Variants in KLF7 observed in about 807,000 individuals in gnomAD.
KLF7 encodes the protein KLF transcription factor 7, also known as Krueppel-like factor 7.
A neutral mutation model predicts 27.3 loss-of-function variants in KLF7; 2 were observed. The ratio of observed to expected loss-of-function variants is 0.07; its 90% confidence interval spans 0.03 to 0.23. KLF7 has a LOEUF of 0.23. Ranked by LOEUF, KLF7 falls within the 10% of genes least tolerant of loss-of-function variation. The probability of loss-of-function intolerance (pLI) is 1.00; values close to 1 mark genes in which losing one functional copy is unlikely to be tolerated. For missense variants in KLF7, 221 were observed against 394.1 expected (o/e 0.56, Z 3.72); for synonymous variants, 165 against 162.4 (o/e 1.02, Z -0.12).
At chr2:207,092,179 T>C (rs2076527465) in intron 2 of KLF7, among the ~76,000 whole-genome samples, 1 of 152,234 alleles carries the variant, frequency 6.6e-6, no homozygotes, top group Non-Finnish European at 1.5e-5. Context: ...CTTGGAATGA[T>C]GCACACTGTT....
At chr2:207,129,001 G>T (rs1289390272) in intron 1 of KLF7, among the ~76,000 whole-genome samples, 1 of 152,138 alleles carries the variant, frequency 6.6e-6, no homozygotes, top group Admixed American at 6.5e-5. Context: ...ATAATTTCCT[G>T]GTTCTTATAA....
At position 207,101,799 on chromosome 2, in the gene KLF7, G is replaced by A. The variant is rs532077714; in HGVS notation, c.734-13218C>T. 2.6e-5 allele frequency among the ~76,000 whole-genome samples: 4 copies of A among 152,156 alleles called. No homozygotes were observed. The East Asian group carries it at 7.7e-4, about 29-fold the overall frequency. ...AGTTGGGCACTCCTTTCTTCTGCTC[G>A]CCTAACTTCCTCTAGAAGAGACTAT... On this transcript the variant is annotated intron_variant, in intron 2 of 3. Transcript: ENST00000309446.
At chr2:207,142,507 A>G (rs937646769) in intron 1 of KLF7, among the ~76,000 whole-genome samples, 1 of 152,226 alleles carries the variant, frequency 6.6e-6, no homozygotes, top group Non-Finnish European at 1.5e-5. Context: ...ATAGAAATAC[A>G]TGCAATTCAA....
At chr2:207,145,371 T>C (rs2078070798) in intron 1 of KLF7, among the ~76,000 whole-genome samples, 1 of 152,286 alleles carries the variant, frequency 6.6e-6, no homozygotes, top group Non-Finnish European at 1.5e-5. Context: ...CAATAATACA[T>C]CTATTCAACA....
intron 1 of KLF7, among the ~76,000 whole-genome samples, chr2:207,138,891 G>A (rs777795540): frequency 2.0e-5 from 3 of 152,202 alleles, no homozygotes; most frequent in African/African-American, 2.4e-5. Flanking sequence ...CTGTGTCTGC[G>A]ATTGCCACGA....
At chr2:207,091,419 T>C (rs1191971970) in intron 2 of KLF7, among the ~76,000 whole-genome samples, 1 of 152,140 alleles carries the variant, frequency 6.6e-6, no homozygotes, top group African/African-American at 2.4e-5. Flanking sequence ...TCACCTGACA[T>C]TGTTTCCTGC....
chr2:207,127,037 A>G (rs2077497505), intron 1 of KLF7, among the ~76,000 whole-genome samples: 1 of 152,224 alleles, frequency 6.6e-6, no homozygotes, highest in South Asian at 2.1e-4. Context: ...ATCTGAATGC[A>G]GGGCTGAGAT....
chr2:207,161,071 A>C (rs2078531731), intron 1 of KLF7, among the ~76,000 whole-genome samples: 1 of 152,198 alleles, frequency 6.6e-6, no homozygotes, highest in Non-Finnish European at 1.5e-5. Flanking sequence ...AAAATACCAA[A>C]CTGCAAACAG....
intron 2 of KLF7, among the ~76,000 whole-genome samples, chr2:207,118,767 C>G (rs1254835234): frequency 2.0e-5 from 3 of 152,196 alleles, no homozygotes; most frequent in Non-Finnish European, 4.4e-5. Context: ...TGGGACATAG[C>G]AAGTGCTTTA....
chr2:207,142,643 G>A (rs550965506), intron 1 of KLF7, among the ~76,000 whole-genome samples: 1 of 152,316 alleles, frequency 6.6e-6, no homozygotes, highest in East Asian at 1.9e-4. Flanking sequence ...ATTTGAAACA[G>A]ACCTTGGCAA....
intron 3 of KLF7, among the ~76,000 whole-genome samples, chr2:207,084,302 A>T (rs1310541654): frequency 6.6e-6 from 1 of 152,158 alleles, no homozygotes; most frequent in Non-Finnish European, 1.5e-5. Flanking sequence ...TCGGGAAATG[A>T]GTATTCTTGA....
chr2:207,100,408 C>A (rs1370847247), intron 2 of KLF7, among the ~76,000 whole-genome samples: 1 of 152,032 alleles, frequency 6.6e-6, no homozygotes, highest in East Asian at 1.9e-4. Context: ...CTAAGAGTAA[C>A]CCCAAAAGAA....
intron 1 of KLF7, among the ~76,000 whole-genome samples, chr2:207,160,682 G>T (rs905180810): frequency 4.6e-5 from 7 of 152,192 alleles, no homozygotes; most frequent in African/African-American, 1.7e-4. Context: ...TCTCTGAAGA[G>T]AGTACAATGT....
In KLF7 at chr2:207,120,189, A is replaced by C. The variant is rs61256277; in HGVS notation, c.733+3585T>G. Among the ~76,000 whole-genome samples the C allele has an allele frequency of 6.3e-4, 96 of 152,284 alleles. No homozygotes were observed. The East Asian group carries it at 0.016, about 25-fold the overall frequency. On this transcript the variant is annotated intron_variant, in intron 2 of 3. Transcript: ENST00000309446. ...GCTACCTTAAAAAATAATAAATAAA[A>C]AATCACCTCATTGCCTAATATCCTC...
chr2:207,124,430 A>T lies in KLF7; in HGVS notation c.103-26T>A, dbSNP rs1161986820. On this transcript the variant is annotated intron_variant, in intron 1 of 3. Coordinates refer to ENST00000309446, the MANE Select transcript of KLF7 (RefSeq NM_003709.4). ...CTGCAAGAGGAAGAAGGAGGGAGAG[A>T]AACAGCCATCAGAGGCACAGAACAC... The T allele has an allele frequency of 2.0e-6, 3 of 1,534,286 alleles. No individual in the cohort carries two copies. The South Asian group carries it at 3.8e-5, about 19-fold the overall frequency.
chr2:207,151,408 G>A (rs894325539), intron 1 of KLF7, among the ~76,000 whole-genome samples: 20 of 151,970 alleles, frequency 1.3e-4, no homozygotes, highest in African/African-American at 4.8e-4. Context: ...AGGGGGGAGG[G>A]ATCGGAAAGA....
intron 1 of KLF7, among the ~76,000 whole-genome samples, chr2:207,148,013 T>G (rs1399152905): frequency 2.0e-5 from 3 of 152,212 alleles, no homozygotes; most frequent in Non-Finnish European, 4.4e-5. Flanking sequence ...CTACCCGCTT[T>G]TTAAAAATCA....
chr2:207,106,187 A>G (rs1039739910), intron 2 of KLF7, among the ~76,000 whole-genome samples: 3 of 152,218 alleles, frequency 2.0e-5, no homozygotes, highest in Admixed American at 6.5e-5. Flanking sequence ...GTACTTTAAG[A>G]ACAATGGCAG....
intron 3 of KLF7, 89 bp downstream of exon 3, chr2:207,088,369 T>C: frequency 1.4e-6 from 2 of 1,462,812 alleles, no homozygotes; most frequent in Non-Finnish European, 1.9e-6. Context: ...GTCAGACCTG[T>C]GATAAGTCCA....
Sources: allele counts gnomAD v4.1 joint callset (sites outside exome capture counted in the v4.1 genomes callset), GRCh38; gene constraint gnomAD v4.1.1; transcripts MANE v1.5; gene names NCBI Gene and HGNC (gene_info 2026-07-23, HGNC 2026-07-21).